The following COL12A1 variants were observed in gnomAD, a reference collection of about 807,000 sequenced individuals.
COL12A1 encodes collagen type XII alpha 1 chain.
A neutral mutation model predicts 349.7 loss-of-function variants in COL12A1; 114 were observed. The ratio of observed to expected loss-of-function variants is 0.33; its 90% CI spans 0.28 to 0.38. The LOEUF (loss-of-function observed/expected upper bound fraction) is 0.38. Among genes scored for constraint, COL12A1 ranks in the 10% least tolerant of loss-of-function variants. COL12A1 has a pLI of 1.00. For missense variants in COL12A1, 3,284 were observed against 3,756.9 expected, an observed-to-expected ratio of 0.87 and a Z score of 3.29; for synonymous variants, 1,369 against 1,329.0, an observed-to-expected ratio of 1.03 and a Z score of -0.66.
intron 17 of COL12A1, 130 bp from the exon 18 acceptor site, chr6:75,152,612 G>A: frequency 1.0e-6 from 1 of 983,288 alleles, no homozygotes; most frequent in Non-Finnish European, 1.5e-6. Context: ...GCTCAGTGAT[G>A]TGGAGTATAA....
chr6:75,156,710 G>A (rs990890843), intron 14 of COL12A1, among the ~76,000 whole-genome samples, 187 bp from the exon 15 acceptor site: 5 of 152,126 alleles, frequency 3.3e-5, no homozygotes, highest in Admixed American at 3.3e-4. Context: ...ATCTCAGTAA[G>A]ATGTTTTCGT....
chr6:75,175,423 G>A (rs1472337102), intron 12 of COL12A1, 113 bp from the exon 13 acceptor site: 2 of 1,247,796 alleles, frequency 1.6e-6, no homozygotes, highest in Admixed American at 5.3e-5. Flanking sequence ...TATCCTGGGT[G>A]AGACTATGAC....
intron 22 of COL12A1, 72 bp downstream of exon 22, chr6:75,148,286 T>A: frequency 6.9e-7 from 1 of 1,458,330 alleles, no homozygotes; most frequent in Non-Finnish European, 9.3e-7. Flanking sequence ...CCTAACATTA[T>A]TCTCAGAGTC....
rs1582020057 is a variant in COL12A1, at chr6:75,084,681, C to T, written c.*1866G>A. The T allele has an allele frequency of 6.4e-6, 1 of 155,134 alleles. No individual in the cohort carries two copies. The highest frequency in any genetic ancestry group is 2.0e-4 in the South Asian group (1 of 5,036). 9.6% of individuals were successfully genotyped at this position (155,134 alleles called of 1,614,324 possible). Reference sequence around the variant, plus strand: ...TTTGTGGTTGTTAAAGAGATGTATACGAGCATTCTATGCCCCGGCGTATAA... The same window carrying T: ...TTTGTGGTTGTTAAAGAGATGTATATGAGCATTCTATGCCCCGGCGTATAA... On this transcript the variant is annotated 3_prime_UTR_variant, in exon 66 of 66. Coordinates refer to ENST00000322507, the MANE Select transcript of COL12A1 (RefSeq NM_004370.6).
chr6:75,195,002 T>C (rs1770146166), intron 2 of COL12A1, 55 bp from the exon 3 acceptor site: 1 of 983,716 alleles, frequency 1.0e-6, no homozygotes, highest in Non-Finnish European at 1.5e-6. Context: ...AAATGGTCAA[T>C]TTAATTAATA....
At chr6:75,140,544 T>C (rs762078788) in intron 27 of COL12A1, among the ~76,000 whole-genome samples, 26 of 150,930 alleles carry the variant, frequency 1.7e-4, no homozygotes, top group Non-Finnish European at 3.2e-4. Context: ...TAGTCCCAGC[T>C]ACTCCGGAGG....
In COL12A1 at chr6:75,126,479, A is replaced by C. The variant is rs1562169801; in HGVS notation, c.6341-9T>G. The C allele has an allele frequency of 6.2e-7, 1 of 1,608,342 alleles. No individual in the cohort carries two copies. The highest frequency in any genetic ancestry group is 8.5e-7 in the Non-Finnish European group (1 of 1,175,846). On this transcript the variant is annotated splice_polypyrimidine_tract_variant and intron_variant, in intron 38 of 65. Coordinates refer to ENST00000322507, the MANE Select transcript of COL12A1 (RefSeq NM_004370.6). Reference sequence around the variant, plus strand: ...AGGAGGAAGGAGTCCCACTGAAAACAAACATTGACACACATTACTGACCTT... The same window carrying C: ...AGGAGGAAGGAGTCCCACTGAAAACCAACATTGACACACATTACTGACCTT...
chr6:75,205,795 G>GGA lies in COL12A1; in HGVS notation c.-56_-55dup, dbSNP rs1770750982. The GGA allele has an allele frequency of 6.3e-6, 1 of 157,838 alleles. No individual in the cohort carries two copies. Among genetic ancestry groups the GGA allele is most frequent in the South Asian group, 1.9e-4 (1 of 5,140 alleles). 9.8% of individuals were successfully genotyped at this position (157,838 alleles called of 1,614,324 possible). On this transcript the variant is annotated 5_prime_UTR_variant, in exon 1 of 66. Coordinates refer to ENST00000322507, the MANE Select transcript of COL12A1 (RefSeq NM_004370.6). ...GGCTGACCTGAGGCGGCGGCAACAGGGAGAGGTAGCGGCGGCGACAGCGGC... is the reference window on the plus strand; with the variant it reads ...GGCTGACCTGAGGCGGCGGCAACAGGGAGAGAGGTAGCGGCGGCGACAGCGGC...
rs369544130 is a variant in COL12A1 at position 75,202,727 on chromosome 6, C to T, written c.66G>A (p.Glu22=). 28 of 1,551,664 alleles carry T rather than the reference C, an allele frequency of 1.8e-5. No individual in the cohort carries two copies. The African/African-American group carries it at 3.8e-4, about 21-fold the overall frequency. The change falls in exon 2 of 66, where the codon GAG becomes GAA. Residue 22 remains glutamate, a synonymous_variant. Coordinates refer to ENST00000322507, the MANE Select transcript of COL12A1 (RefSeq NM_004370.6). ...LGAALLLSSI[E]AEVDPPSDLN... ...GGGAAGGGAGCCTTTTACCTTCTGC[C>T]TCAATGGAAGACAGGAGCAGGGCCG...
At position 75,152,327 on chromosome 6, in the gene COL12A1, A is replaced by C; in HGVS notation, c.3715+6T>G. The C allele has an allele frequency of 6.2e-7, 1 of 1,613,590 alleles. No individual in the cohort carries two copies. The highest frequency in any genetic ancestry group is 8.5e-7 in the Non-Finnish European group (1 of 1,179,702). On this transcript the variant is annotated splice_donor_region_variant and intron_variant, in intron 18 of 65. Coordinates refer to ENST00000322507, the MANE Select transcript of COL12A1 (RefSeq NM_004370.6). Reference sequence around the variant, plus strand: ...TCTAAATGGCTCCAATGTTGTCAGAACCTACCAATTTGTACTCTTTTGGGG... The same window carrying C: ...TCTAAATGGCTCCAATGTTGTCAGACCCTACCAATTTGTACTCTTTTGGGG...
At chr6:75,148,322 A>C (rs1248663314) in intron 22 of COL12A1, 36 bp downstream of exon 22, 1 of 1,594,174 alleles carries the variant, frequency 6.3e-7, no homozygotes, top group African/African-American at 1.3e-5. Flanking sequence ...CAATCTCAAC[A>C]TCAGGAAGAA....
rs1486358181 is a variant in COL12A1, at chr6:75,142,088, A to G, written c.4901T>C (p.Val1634Ala). The G allele has an allele frequency of 1.2e-6, 2 of 1,614,122 alleles. No individual in the cohort carries two copies. The highest frequency in any genetic ancestry group is 1.7e-6 in the Non-Finnish European group (2 of 1,179,998). ...LFSQTLYTVS[V>A]SAVHDEGESP... Reference sequence around the variant, plus strand: ...CTCCCCCTCGTCATGTACTGCAGAAACGCTGACTGTGTACAAGGTCTGTGA... The same window carrying G: ...CTCCCCCTCGTCATGTACTGCAGAAGCGCTGACTGTGTACAAGGTCTGTGA... Residue 1634 changes from valine to alanine, a missense_variant, in exon 27 of 66, where the codon GTT becomes GCT. By Grantham distance (64) the Val-to-Ala change is moderately conservative. Coordinates refer to ENST00000322507, the MANE Select transcript of COL12A1 (RefSeq NM_004370.6).
At chr6:75,177,539 G>T in intron 12 of COL12A1, 124 bp downstream of exon 12, 1 of 1,199,746 alleles carries the variant, frequency 8.3e-7, no homozygotes, top group Non-Finnish European at 1.2e-6. Flanking sequence ...AAGGACTATG[G>T]TCTAACATAC....
chr6:75,144,816 A>T (rs1450669939), intron 25 of COL12A1, among the ~76,000 whole-genome samples: 1 of 152,240 alleles, frequency 6.6e-6, no homozygotes, highest in Admixed American at 6.5e-5. Context: ...ATATCTTTGC[A>T]TTGGGTAAAT....
Position 75,126,475 on chromosome 6 carries a change from A to G in COL12A1, c.6341-5T>C. ...TCTGAGGAGGAAGGAGTCCCACTGA[A>G]AACAAACATTGACACACATTACTGA... On this transcript the variant is annotated splice_region_variant and splice_polypyrimidine_tract_variant and intron_variant, in intron 38 of 65. Coordinates refer to ENST00000322507, the MANE Select transcript of COL12A1 (RefSeq NM_004370.6). 1 of 1,608,746 alleles carries G rather than the reference A, an allele frequency of 6.2e-7. No individual in the cohort carries two copies. The highest frequency in any genetic ancestry group is 8.5e-7 in the Non-Finnish European group (1 of 1,176,138).
intron 35 of COL12A1, among the ~76,000 whole-genome samples, chr6:75,131,196 C>T (rs1312712531): frequency 6.6e-6 from 1 of 152,080 alleles, no homozygotes; most frequent in African/African-American, 2.4e-5. Flanking sequence ...ATCCTTGACC[C>T]TTAGTAGCTT....
At chr6:75,167,680 A>G (rs1020414283) in intron 13 of COL12A1, among the ~76,000 whole-genome samples, 27 of 152,208 alleles carry the variant, frequency 1.8e-4, no homozygotes, top group African/African-American at 5.8e-4. Flanking sequence ...TAGGAAGAGA[A>G]TTGTGGTTGA....
chr6:75,137,123 A>C (rs1168908599), intron 31 of COL12A1, among the ~76,000 whole-genome samples: 1 of 152,174 alleles, frequency 6.6e-6, no homozygotes, highest in African/African-American at 2.4e-5. Flanking sequence ...TAGACTCAAA[A>C]ACTATCTGGA....
intron 59 of COL12A1, among the ~76,000 whole-genome samples, chr6:75,095,623 C>CAAAAAAA (rs58205028): frequency 3.9e-5 from 4 of 102,092 alleles, no homozygotes; most frequent in African/African-American, 8.0e-5. Flanking sequence ...GACTCCGTCT[C>CAAAAAAA]AAAAAAAAAA....
Sources: gnomAD v4.1 joint callset for allele counts (sites outside exome capture counted in the v4.1 genomes callset) on GRCh38, gnomAD v4.1.1 for gene constraint, MANE v1.5 for transcripts, NCBI Gene and HGNC (gene_info 2026-07-23, HGNC 2026-07-21) for gene names.